The following LATS2 variants were observed in gnomAD, a reference collection of about 807,000 sequenced individuals.
The protein encoded by LATS2 is serine/threonine-protein kinase LATS2.
In LATS2, 24 loss-of-function variants were observed where a neutral mutation model predicts 76.0. The observed-to-expected ratio is 0.32, with a 90% CI of 0.23 to 0.44. The LOEUF is 0.44. Ranked by LOEUF, LATS2 falls within the 20% of genes least tolerant of loss-of-function variation. The probability of loss-of-function intolerance (pLI) is 1.00; values close to 1 mark genes in which losing one functional copy is unlikely to be tolerated. For missense variants in LATS2, 1,286 were observed against 1,481.2 expected (o/e 0.87, Z 2.16); for synonymous variants, 692 against 635.4 (o/e 1.09, Z -1.34).
chr13:21,002,273 C>T (rs1008239955), intron 2 of LATS2, among the ~76,000 whole-genome samples: 11 of 152,010 alleles, frequency 7.2e-5, no homozygotes, highest in Admixed American at 7.2e-4. Flanking sequence ...GTTGGTTACA[C>T]AACAGTAGAT....
intron 7 of LATS2, among the ~76,000 whole-genome samples, chr13:20,977,641 AT>A (rs1319869593): frequency 6.6e-6 from 1 of 151,586 alleles, no homozygotes; most frequent in Non-Finnish European, 1.5e-5. Context: ...AATTAAAATA[AT>A]TAAGATGGTA....
At chr13:21,007,678 A>AG (rs1871371674) in intron 2 of LATS2, among the ~76,000 whole-genome samples, 1 of 3,502 alleles carries the variant, frequency 2.9e-4, no homozygotes, top group Non-Finnish European at 5.3e-4. Flanking sequence ...GTATATATAT[A>AG]TATAGTATAT....
chr13:20,983,858 A>G (rs764122265), intron 4 of LATS2, 52 bp from the exon 5 acceptor site: 1 of 1,414,512 alleles, frequency 7.1e-7, no homozygotes, highest in East Asian at 2.3e-5. Context: ...AAGTCCCATG[A>G]TAACAAATGA....
At chr13:21,055,943 G>GCTAC (rs1221683755) in intron 1 of LATS2, among the ~76,000 whole-genome samples, 1 of 152,224 alleles carries the variant, frequency 6.6e-6, no homozygotes, top group Non-Finnish European at 1.5e-5. Flanking sequence ...CAGGCCAAGG[G>GCTAC]CTACCTCTCA....
At chr13:20,977,511 C>T (rs1231324997) in intron 7 of LATS2, among the ~76,000 whole-genome samples, 2 of 151,586 alleles carry the variant, frequency 1.3e-5, no homozygotes, top group Admixed American at 1.3e-4. Context: ...ACGATTAACA[C>T]ATTTGAAAAT....
At chr13:21,017,663 G>A (rs922458394) in intron 2 of LATS2, among the ~76,000 whole-genome samples, 2 of 148,800 alleles carry the variant, frequency 1.3e-5, no homozygotes, top group Non-Finnish European at 3.0e-5. Flanking sequence ...GTCTCACTCT[G>A]TCACCCAGGC....
At chr13:20,989,465 C>T (rs910110262) in intron 3 of LATS2, among the ~76,000 whole-genome samples, 161 bp from the exon 4 acceptor site, 5 of 152,140 alleles carry the variant, frequency 3.3e-5, no homozygotes, top group African/African-American at 4.8e-5. Flanking sequence ...TCAGTGGACT[C>T]CCCTCTGCCC....
chr13:21,028,174 G>A (rs928361519), intron 2 of LATS2, among the ~76,000 whole-genome samples: 2 of 152,008 alleles, frequency 1.3e-5, no homozygotes, highest in Non-Finnish European at 2.9e-5. Context: ...GTGAGAACAT[G>A]CGGTGTTTGG....
intron 7 of LATS2, among the ~76,000 whole-genome samples, chr13:20,976,021 G>A (rs1308706561): frequency 2.0e-5 from 3 of 152,116 alleles, no homozygotes; most frequent in Non-Finnish European, 1.5e-5. Context: ...GGCCAACTGG[G>A]GTTTTGAAAA....
intron 2 of LATS2, among the ~76,000 whole-genome samples, chr13:21,015,624 A>C (rs763752179): frequency 5.3e-5 from 8 of 152,206 alleles, no homozygotes; most frequent in Non-Finnish European, 1.0e-4. Context: ...ACTGTGAAAA[A>C]TTAATTTGAT....
At chr13:21,021,504 A>AG (rs1872062015) in intron 2 of LATS2, among the ~76,000 whole-genome samples, 1 of 147,914 alleles carries the variant, frequency 6.8e-6, no homozygotes, top group African/African-American at 2.5e-5. Flanking sequence ...AAAAAAAAAA[A>AG]GCTTTGTAAA....
intron 2 of LATS2, among the ~76,000 whole-genome samples, chr13:21,020,061 GC>G (rs1318428647): frequency 6.6e-6 from 1 of 151,856 alleles, no homozygotes; most frequent in Non-Finnish European, 1.5e-5. Context: ...CATGCAAATG[GC>G]TCCCCACTTT....
intron 2 of LATS2, among the ~76,000 whole-genome samples, chr13:21,009,432 C>G (rs1355005163): frequency 6.6e-6 from 1 of 152,196 alleles, no homozygotes; most frequent in Non-Finnish European, 1.5e-5. Flanking sequence ...TGGTCCCAAA[C>G]AATTCCCATA....
intron 2 of LATS2, among the ~76,000 whole-genome samples, chr13:21,039,641 G>A (rs193205965): frequency 6.6e-6 from 1 of 152,308 alleles, no homozygotes; most frequent in African/African-American, 2.4e-5. Flanking sequence ...TGCAACATGG[G>A]AGGCCTTGTG....
chr13:21,006,778 G>C (rs1871282173), intron 2 of LATS2, among the ~76,000 whole-genome samples: 2 of 152,232 alleles, frequency 1.3e-5, no homozygotes, highest in Admixed American at 1.3e-4. Context: ...GAGTAGCTGT[G>C]TGTGTTTGGG....
intron 2 of LATS2, among the ~76,000 whole-genome samples, chr13:21,007,373 A>T (rs78269519): frequency 9.0e-4 from 135 of 149,402 alleles, no homozygotes; most frequent in African/African-American, 3.3e-3. Flanking sequence ...ACTGATTATA[A>T]ACCAACAGGC....
intron 1 of LATS2, among the ~76,000 whole-genome samples, chr13:21,051,388 G>A (rs1209537891): frequency 6.6e-6 from 1 of 152,204 alleles, no homozygotes; most frequent in African/African-American, 2.4e-5. Flanking sequence ...CACAATGAAA[G>A]TTTGCCCAAA....
At chr13:20,981,967 C>T (rs1347735477) in intron 5 of LATS2, among the ~76,000 whole-genome samples, 1 of 152,210 alleles carries the variant, frequency 6.6e-6, no homozygotes, top group Admixed American at 6.5e-5. Context: ...GGGGACAGCA[C>T]TCCTAGCGCT....
chr13:20,988,139 G>A lies in LATS2; in HGVS notation c.1641C>T (p.Gly547=). 2 of 1,614,170 alleles carry A rather than the reference G, an allele frequency of 1.2e-6. No homozygotes were observed. The highest frequency in any genetic ancestry group is 1.7e-6 in the Non-Finnish European group (2 of 1,180,024). Reference sequence around the variant, plus strand: ...TGTCGCCGCCCTCGGGCTCGTTGGGGCCCGCACGGAGGCTCTGCTCCATGC... The same window carrying A: ...TGTCGCCGCCCTCGGGCTCGTTGGGACCCGCACGGAGGCTCTGCTCCATGC... ...CAGMEQSLRA[G]PNEPEGGDKS... Residue 547 remains glycine, a synonymous_variant, in exon 4 of 8, where the codon GGC becomes GGT. Transcript: ENST00000382592.
Sources: allele counts gnomAD v4.1 joint callset (sites outside exome capture counted in the v4.1 genomes callset), GRCh38; gene constraint gnomAD v4.1.1; transcripts MANE v1.5; gene names NCBI Gene and HGNC (gene_info 2026-07-23, HGNC 2026-07-21).